The following BMP2 variants were observed in gnomAD, a reference collection of about 807,000 sequenced individuals.
The protein encoded by BMP2 is bone morphogenetic protein 2A.
In BMP2, 2 loss-of-function variants were observed where a neutral mutation model predicts 28.8. That is an observed-to-expected ratio of 0.07 (90% CI 0.03 to 0.22). The LOEUF is 0.22. BMP2 is among the 10% of genes least tolerant of loss of function. BMP2 has a pLI of 1.00. For synonymous variants in BMP2, 218 were observed against 204.3 expected, an observed-to-expected ratio of 1.07 and a Z score of -0.57; for missense variants, 437 against 517.7, an observed-to-expected ratio of 0.84 and a Z score of 1.51.
intron 2 of BMP2, among the ~76,000 whole-genome samples, chr20:6,770,749 G>A (rs1216671696): frequency 6.6e-6 from 1 of 152,206 alleles, no homozygotes; most frequent in Admixed American, 6.5e-5. Flanking sequence ...CAAGTGATGG[G>A]GAAGATGAGG....
chr20:6,769,219 C>CT (rs1398619845), intron 1 of BMP2, among the ~76,000 whole-genome samples: 1 of 152,124 alleles, frequency 6.6e-6, no homozygotes, highest in Non-Finnish European at 1.5e-5. Flanking sequence ...AGGGTAGCCC[C>CT]TGGGTTTCAC....
intron 2 of BMP2, among the ~76,000 whole-genome samples, chr20:6,772,197 C>T (rs1986413857): frequency 6.6e-6 from 1 of 152,180 alleles, no homozygotes; most frequent in Admixed American, 6.5e-5. Context: ...CAGAACTAAA[C>T]AGGCTACACG....
At position 6,778,566 on chromosome 20, in the gene BMP2, A is replaced by G. The variant is rs745897492; in HGVS notation, c.668A>G (p.Asn223Ser). Residue 223 changes from asparagine to serine, a missense_variant, in exon 3 of 3, where the codon AAC (asparagine) becomes AGC (serine). Asn to Ser is a conservative substitution (Grantham distance 46, BLOSUM62 1). Coordinates refer to ENST00000378827, the MANE Select transcript of BMP2 (RefSeq NM_001200.4). This position sits in a 1 kb window ranked among gnomAD's most constrained non-coding sequence, Gnocchi z 5.0. ...VMRWTAQGHANHGFVVEVAHL... is the reference protein window; with the variant it reads ...VMRWTAQGHASHGFVVEVAHL... ...CGGTGGACTGCACAGGGACACGCCA[A>G]CCATGGATTCGTGGTGGAAGTGGCC... The G allele has an allele frequency of 1.2e-6, 2 of 1,614,208 alleles. No homozygotes were observed. Among genetic ancestry groups the G allele is most frequent in the South Asian group, 1.1e-5 (1 of 91,082 alleles).
At chr20:6,768,946 A>G in intron 1 of BMP2, 71 bp downstream of exon 1, 2 of 398,376 alleles carry the variant, frequency 5.0e-6, no homozygotes. Flanking sequence ...ACTGCGGTAG[A>G]GCCCTTCCTT....
In BMP2 at chr20:6,778,580, G is replaced by T. The variant is rs769264233; in HGVS notation, c.682G>T (p.Val228Leu). 1.2e-6 allele frequency: 2 copies of T among 1,614,020 alleles called. No individual in the cohort carries two copies. Among genetic ancestry groups the T allele is most frequent in the East Asian group, 2.2e-5 (1 of 44,886 alleles). ...GGGACACGCCAACCATGGATTCGTG[G>T]TGGAAGTGGCCCACTTGGAGGAGAA... ...AQGHANHGFVVEVAHLEEKQG... is the reference protein window; with the variant it reads ...AQGHANHGFVLEVAHLEEKQG... Residue 228 changes from valine to leucine, a missense_variant, in exon 3 of 3, where the codon GTG becomes TTG. This residue lies in a region of BMP2 where 363 missense variants were observed against 392.8 expected (regional missense o/e 0.92). Coordinates refer to ENST00000378827, the MANE Select transcript of BMP2 (RefSeq NM_001200.4). This position sits in a 1 kb window ranked among gnomAD's most constrained non-coding sequence, Gnocchi z 5.0.
In BMP2 at chr20:6,768,616, C is replaced by T; in HGVS notation, c.-267C>T. The T allele has an allele frequency of 5.1e-6, 2 of 395,698 alleles. No individual in the cohort carries two copies. The highest frequency in any genetic ancestry group is 8.9e-6 in the Non-Finnish European group (2 of 224,516). The allele number at this position is 395,698 out of a possible 1,614,324, so 24.5% of individuals were successfully genotyped here. A position where few individuals can be genotyped will look rare whatever the true frequency, so the allele number is the denominator to read the frequency against. On this transcript the variant is annotated 5_prime_UTR_variant, in exon 1 of 3. Coordinates refer to ENST00000378827, the MANE Select transcript of BMP2 (RefSeq NM_001200.4). ...TTGCGCACCCCACTTTGCGCCGGTG[C>T]CTTTGCCCCAGCGGAGCCTGCTTCG...
In BMP2 at chr20:6,778,178, G is replaced by A; in HGVS notation, c.347-67G>A. ...TAAAAATTCTCATAGATAATCAAACGTCATTACTTGGCTTACTGAAATTCA... is the reference window on the plus strand; with the variant it reads ...TAAAAATTCTCATAGATAATCAAACATCATTACTTGGCTTACTGAAATTCA... On this transcript the variant is annotated intron_variant, in intron 2 of 2. Transcript: ENST00000378827. This position sits in a 1 kb window ranked among gnomAD's most constrained non-coding sequence, Gnocchi z 5.0. 2.0e-6 allele frequency: 3 copies of A among 1,519,742 alleles called. No homozygotes were observed. Among genetic ancestry groups the A allele is most frequent in the East Asian group, 2.3e-5 (1 of 44,148 alleles). 94.1% of individuals were successfully genotyped at this position (1,519,742 alleles called of 1,614,324 possible). A position where few individuals can be genotyped will look rare whatever the true frequency, so the allele number is the denominator to read the frequency against.
In BMP2 at chr20:6,778,216, T is replaced by G; in HGVS notation, c.347-29T>G. ...TTACTGAAATTCAGACTTTTCTTTT[T>G]TCTTCCCTGTTTTTCTCTATCAAAT... On this transcript the variant is annotated intron_variant, in intron 2 of 2. Coordinates refer to ENST00000378827, the MANE Select transcript of BMP2 (RefSeq NM_001200.4). This position sits in a 1 kb window ranked among gnomAD's most constrained non-coding sequence, Gnocchi z 5.0. 6.5e-7 allele frequency: 1 copy of G among 1,546,134 alleles called. No individual in the cohort carries two copies. Among genetic ancestry groups the G allele is most frequent in the Non-Finnish European group, 8.7e-7 (1 of 1,153,066 alleles).
In BMP2 at chr20:6,778,737, A is replaced by G; in HGVS notation, c.839A>G (p.Glu280Gly). 4.3e-6 allele frequency: 7 copies of G among 1,614,216 alleles called. No individual in the cohort carries two copies. Among genetic ancestry groups the G allele is most frequent in the Non-Finnish European group, 5.9e-6 (7 of 1,180,036 alleles). The change falls in exon 3 of 3, where the codon GAA becomes GGA. Residue 280 changes from glutamate to glycine, a missense_variant. This residue lies in a region of BMP2 where 363 missense variants were observed against 392.8 expected (regional missense o/e 0.92). Transcript: ENST00000378827. This position sits in a 1 kb window ranked among gnomAD's most constrained non-coding sequence, Gnocchi z 5.0. ...AAAGGGCATCCTCTCCACAAAAGAG[A>G]AAAACGTCAAGCCAAACACAAACAG... ...DGKGHPLHKR[E>G]KRQAKHKQRK...
At position 6,770,352 on chromosome 20, in the gene BMP2, C is replaced by T. The variant is rs1460054847; in HGVS notation, c.226C>T (p.Pro76Ser). ...RPTPSRDAVV[P>S]PYMLDLYRRH... ...CACCCCCAGCAGGGACGCCGTGGTG[C>T]CCCCCTACATGCTAGACCTGTATCG... The change falls in exon 2 of 3, where the codon CCC (proline) becomes TCC (serine). Residue 76 changes from proline to serine, a missense_variant. Pro to Ser is a moderately conservative substitution (Grantham distance 74, BLOSUM62 -1). This residue lies in a region of BMP2 where 363 missense variants were observed against 392.8 expected (regional missense o/e 0.92). Coordinates refer to ENST00000378827, the MANE Select transcript of BMP2 (RefSeq NM_001200.4). 3 of 1,613,426 alleles carry T rather than the reference C, an allele frequency of 1.9e-6. No homozygotes were observed. Among genetic ancestry groups the T allele is most frequent in the South Asian group, 1.1e-5 (1 of 91,074 alleles).
At chr20:6,774,784 G>A (rs1190056204) in intron 2 of BMP2, among the ~76,000 whole-genome samples, 2 of 152,184 alleles carry the variant, frequency 1.3e-5, no homozygotes, top group African/African-American at 4.8e-5. Flanking sequence ...TTATCATTAT[G>A]ACTTCTTTTG....
At chr20:6,777,392 G>A (rs1015727344) in intron 2 of BMP2, among the ~76,000 whole-genome samples, 4 of 151,572 alleles carry the variant, frequency 2.6e-5, no homozygotes, top group Non-Finnish European at 5.9e-5. Context: ...ACTATTACTG[G>A]GTAGGTACAT....
At chr20:6,770,539 G>A in intron 2 of BMP2, 67 bp downstream of exon 2, 1 of 1,460,120 alleles carries the variant, frequency 6.8e-7, no homozygotes, top group Non-Finnish European at 9.2e-7. Flanking sequence ...TGGGCAGACT[G>A]CAGCCGTCCC....
chr20:6,777,193 G>A (rs959510294), intron 2 of BMP2, among the ~76,000 whole-genome samples: 5 of 152,102 alleles, frequency 3.3e-5, no homozygotes, highest in African/African-American at 1.2e-4. Context: ...CTTAAAAATT[G>A]AAATTCAGAA....
chr20:6,778,796 C>T lies in BMP2; in HGVS notation c.898C>T (p.Pro300Ser). 1 of 1,614,098 alleles carries T rather than the reference C, an allele frequency of 6.2e-7. No individual in the cohort carries two copies. The highest frequency in any genetic ancestry group is 8.5e-7 in the Non-Finnish European group (1 of 1,180,024). Residue 300 changes from proline to serine, a missense_variant, in exon 3 of 3, where the codon CCT becomes TCT. This residue lies in a region of BMP2 where 363 missense variants were observed against 392.8 expected (regional missense o/e 0.92). Coordinates refer to ENST00000378827, the MANE Select transcript of BMP2 (RefSeq NM_001200.4). This position sits in a 1 kb window ranked among gnomAD's most constrained non-coding sequence, Gnocchi z 5.0. ...KRLKSSCKRH[P>S]LYVDFSDVGW... ...CCTTAAGTCCAGCTGTAAGAGACAC[C>T]CTTTGTACGTGGACTTCAGTGACGT...
rs1188623371 is a variant in BMP2 at position 6,778,391 on chromosome 20, A to G, written c.493A>G (p.Ser165Gly). ...EQMQDALGNN[S>G]SFHHRINIYE... is the part of the protein sequence containing the mutation. ...GATGCAAGATGCTTTAGGAAACAAT[A>G]GCAGTTTCCATCACCGAATTAATAT... Residue 165 changes from serine (S) to glycine (G), a missense_variant, in exon 3 of 3, where the codon AGC becomes GGC. Transcript: ENST00000378827. The surrounding 1 kb of genome is among the most constrained non-coding windows in gnomAD (Gnocchi z 5.0). 6.2e-7 allele frequency: 1 copy of G among 1,614,028 alleles called. No individual in the cohort carries two copies. Among genetic ancestry groups the G allele is most frequent in the Non-Finnish European group, 8.5e-7 (1 of 1,179,964 alleles).
At chr20:6,774,316 A>G (rs113285024) in intron 2 of BMP2, among the ~76,000 whole-genome samples, 2,232 of 152,220 alleles carry the variant, frequency 0.015, 15 homozygotes, top group Middle Eastern at 0.054. Flanking sequence ...ACTTGAGGTC[A>G]GGAGTTCCAG....
At position 6,768,844 on chromosome 20, in the gene BMP2, G is replaced by T. The variant is rs546017272; in HGVS notation, c.-39G>T. On this transcript the variant is annotated 5_prime_UTR_variant, in exon 1 of 3. Coordinates refer to ENST00000378827, the MANE Select transcript of BMP2 (RefSeq NM_001200.4). ...GCTCTTTCAATGGACGTGTCCCCGC[G>T]TGCTTCTTAGACGGACTGCGGTCTC... is the stretch of plus-strand genomic sequence containing the variant. 5.0e-6 allele frequency: 2 copies of T among 397,076 alleles called. No homozygotes were observed. The highest frequency in any genetic ancestry group is 8.9e-6 in the Non-Finnish European group (2 of 225,198). The allele number at this position is 397,076 out of a possible 1,614,324, so 24.6% of individuals were successfully genotyped here.
rs1986279766 is a variant in BMP2 at position 6,767,821 on chromosome 20, C to T, written c.-1062C>T. On this transcript the variant is annotated 5_prime_UTR_variant, in exon 1 of 3. Transcript: ENST00000378827. ...GCCGCACATCTGCCGCCACAGCCTC[C>T]GCCGGCTACCCGAACGTTCTCGGGG... 1 of 333,332 alleles carries T rather than the reference C, an allele frequency of 3.0e-6. No individual in the cohort carries two copies. The highest frequency in any genetic ancestry group is 5.4e-6 in the Non-Finnish European group (1 of 184,722). The allele number at this position is 333,332 out of a possible 1,614,324, so 20.6% of individuals were successfully genotyped here.
Sources: gnomAD v4.1 joint callset for allele counts (sites outside exome capture counted in the v4.1 genomes callset) on GRCh38, gnomAD v4.1.1 for gene constraint, gnomAD v4.1.1 regional missense constraint, Gnocchi (gnomAD v3.1) non-coding constraint, MANE v1.5 for transcripts, NCBI Gene and HGNC (gene_info 2026-07-23, HGNC 2026-07-21) for gene names.